The following OXR1 variants were observed in gnomAD, a reference collection of about 807,000 sequenced individuals.
The protein encoded by OXR1 is oxidation resistance 1, also known as oxidation resistance protein 1.
Under a neutral mutation model 104.6 loss-of-function variants are expected in OXR1, and 41 were observed. The observed-to-expected ratio is 0.39, with a 90% CI of 0.31 to 0.51. The LOEUF (loss-of-function observed/expected upper bound fraction) is 0.51, where lower values mean the gene tolerates loss of function less well. OXR1 is among the 20% of genes least tolerant of loss of function. The probability of loss-of-function intolerance (pLI) is 0.77; values close to 1 mark genes in which losing one functional copy is unlikely to be tolerated. For synonymous variants in OXR1, 348 were observed against 348.4 expected, an observed-to-expected ratio of 1.00 and a Z score of 0.01; for missense variants, 955 against 1,031.9, an observed-to-expected ratio of 0.93 and a Z score of 1.02.
intron 1 of OXR1, among the ~76,000 whole-genome samples, chr8:106,357,290 G>A (rs1350376404): frequency 1.3e-5 from 2 of 151,532 alleles, no homozygotes; most frequent in South Asian, 2.1e-4. Context: ...GGAAACTTTT[G>A]AAGTTAACTG....
chr8:106,347,363 T>C lies in OXR1; in HGVS notation c.-138-12113T>C, dbSNP rs556448030. On this transcript the variant is annotated intron_variant, in intron 1 of 16. Coordinates refer to ENST00000517566, the MANE Select transcript of OXR1 (RefSeq NM_001198533.2). Reference sequence around the variant, plus strand: ...CTGCCTGTGCCTGGGGGCTGAGTAGTGGTTATCACCGGAGAAGGTCTTACC... The same window carrying C: ...CTGCCTGTGCCTGGGGGCTGAGTAGCGGTTATCACCGGAGAAGGTCTTACC... 2.0e-4 allele frequency among the ~76,000 whole-genome samples: 31 copies of C among 152,370 alleles called. No individual in the cohort carries two copies. In the South Asian group the frequency reaches 5.8e-3, roughly 28 times the overall value.
intron 12 of OXR1, among the ~76,000 whole-genome samples, chr8:106,739,075 TACACACACACACACACACACACACAC>T (rs71307086): frequency 1.1e-4 from 15 of 141,628 alleles, no homozygotes; most frequent in Admixed American, 8.5e-4. Context: ...TTAAATAGCA[TACACACACACACACACACACACACAC>T]ACACACACAC....
At chr8:106,433,357 T>G (rs1326112830) in intron 2 of OXR1, among the ~76,000 whole-genome samples, 2 of 152,150 alleles carry the variant, frequency 1.3e-5, no homozygotes, top group African/African-American at 4.8e-5. Context: ...ATCTTAGGTT[T>G]TACATTAGTG....
At chr8:106,556,829 G>A (rs907648224) in intron 3 of OXR1, among the ~76,000 whole-genome samples, 1 of 152,120 alleles carries the variant, frequency 6.6e-6, no homozygotes, top group African/African-American at 2.4e-5. Flanking sequence ...ACTTTTCTGT[G>A]TATATGTTTC....
chr8:106,740,321 AC>A, intron 13 of OXR1, 21 bp from the exon 14 acceptor site: 1 of 1,600,536 alleles, frequency 6.2e-7, no homozygotes, highest in Non-Finnish European at 8.5e-7. Context: ...TCAAGTAAAT[AC>A]TAACACTTTG....
chr8:106,330,527 T>G (rs1814665478), intron 1 of OXR1, among the ~76,000 whole-genome samples: 1 of 152,214 alleles, frequency 6.6e-6, no homozygotes, highest in Non-Finnish European at 1.5e-5. Flanking sequence ...GAAATCATGT[T>G]TATTTCTAGG....
chr8:106,672,062 G>C (rs986985357), intron 3 of OXR1, among the ~76,000 whole-genome samples: 1 of 150,404 alleles, frequency 6.6e-6, no homozygotes, highest in Non-Finnish European at 1.5e-5. Flanking sequence ...ACCACTAAAA[G>C]AATTGTTTAA....
chr8:106,593,403 T>C (rs1039142688), intron 3 of OXR1, among the ~76,000 whole-genome samples: 2 of 152,256 alleles, frequency 1.3e-5, no homozygotes, highest in African/African-American at 4.8e-5. Context: ...TTCTTTCATC[T>C]TTGCATCCGA....
At chr8:106,657,815 G>C in intron 3 of OXR1, 1 of 1,232,810 alleles carries the variant, frequency 8.1e-7, no homozygotes, top group Non-Finnish European at 1.0e-6. Flanking sequence ...CTGATGGTCC[G>C]TCCCCGGGCA....
chr8:106,750,741 T>C, intron 16 of OXR1, 65 bp from the exon 17 acceptor site: 1 of 1,146,458 alleles, frequency 8.7e-7, no homozygotes, highest in Non-Finnish European at 1.3e-6. Flanking sequence ...GTATTCAAAG[T>C]CTCATTTAAA....
At chr8:106,424,679 A>T (rs1380244407) in intron 2 of OXR1, among the ~76,000 whole-genome samples, 2 of 152,174 alleles carry the variant, frequency 1.3e-5, no homozygotes, top group Non-Finnish European at 2.9e-5. Flanking sequence ...ATGTAAAATT[A>T]TAAATCTCCA....
intron 1 of OXR1, among the ~76,000 whole-genome samples, chr8:106,307,526 G>A: frequency 6.6e-6 from 1 of 151,410 alleles, no homozygotes; most frequent in South Asian, 2.1e-4. Context: ...TAACTCTTCG[G>A]TTCCCATACT....
chr8:106,437,830 G>T (rs1302547929), intron 2 of OXR1, among the ~76,000 whole-genome samples: 2 of 152,076 alleles, frequency 1.3e-5, no homozygotes, highest in Non-Finnish European at 2.9e-5. Flanking sequence ...AAGGTACTGT[G>T]GTAGATACAG....
intron 2 of OXR1, among the ~76,000 whole-genome samples, chr8:106,409,439 A>C (rs1818371889): frequency 6.6e-6 from 1 of 152,164 alleles, no homozygotes; most frequent in Non-Finnish European, 1.5e-5. Flanking sequence ...CCAAACAAAG[A>C]AGCAAACAAA....
chr8:106,362,900 G>A (rs1219019631), intron 2 of OXR1, among the ~76,000 whole-genome samples: 2 of 152,218 alleles, frequency 1.3e-5, no homozygotes, highest in African/African-American at 4.8e-5. Flanking sequence ...CAAGGAATTG[G>A]TTTAGTAGTG....
At chr8:106,395,183 T>G (rs1319553416) in intron 2 of OXR1, among the ~76,000 whole-genome samples, 1 of 152,168 alleles carries the variant, frequency 6.6e-6, no homozygotes, top group Non-Finnish European at 1.5e-5. Flanking sequence ...GATTTATCAC[T>G]ATCAGATAAA....
In OXR1 at chr8:106,607,815, C is replaced by CT. The variant is rs908000108; in HGVS notation, c.221-71383dup. Among the ~76,000 whole-genome samples the CT allele has an allele frequency of 3.4e-3, 474 of 139,578 alleles. 3 individuals are homozygous for CT. In the East Asian group the frequency reaches 0.047, roughly 14 times the overall value. 91.6% of individuals were successfully genotyped at this position (139,578 alleles called of 152,430 possible). On this transcript the variant is annotated intron_variant, in intron 3 of 16. Coordinates refer to ENST00000517566, the MANE Select transcript of OXR1 (RefSeq NM_001198533.2). ...CCTCTTTCTTTTTCTTTTTCTTTTT[C>CT]TTTTTTTTTTTTACTAGTGAGGTAA...
At chr8:106,505,947 A>C (rs890606683) in intron 2 of OXR1, among the ~76,000 whole-genome samples, 21 of 152,204 alleles carry the variant, frequency 1.4e-4, no homozygotes, top group Non-Finnish European at 2.6e-4. Context: ...GTAGGGGACC[A>C]AGGTCTAACC....
At chr8:106,305,546 G>T (rs1276922561) in intron 1 of OXR1, among the ~76,000 whole-genome samples, 1 of 152,104 alleles carries the variant, frequency 6.6e-6, no homozygotes, top group Non-Finnish European at 1.5e-5. Flanking sequence ...GGAAACATTT[G>T]ATTAAAATAA....
Sources: allele counts gnomAD v4.1 joint callset (sites outside exome capture counted in the v4.1 genomes callset), GRCh38; gene constraint gnomAD v4.1.1; transcripts MANE v1.5; gene names NCBI Gene and HGNC (gene_info 2026-07-23, HGNC 2026-07-21).